Variants in BBS9 observed in about 807,000 individuals in gnomAD.
BBS9 encodes the protein Bardet-Biedl syndrome 9.
Under a neutral mutation model 117.7 loss-of-function variants are expected in BBS9, and 89 were observed. The observed-to-expected ratio is 0.76, with a 90% CI of 0.64 to 0.90. BBS9 has a LOEUF of 0.90. Ranked by LOEUF, BBS9 falls within the 40% of genes least tolerant of loss-of-function variation. BBS9 has a pLI of 0.00. For missense variants in BBS9, 982 were observed against 1,042.2 expected (o/e 0.94, Z 0.80); for synonymous variants, 379 against 370.9 (o/e 1.02, Z -0.25).
At chr7:33,410,654 A>T (rs1830949996) in intron 19 of BBS9, among the ~76,000 whole-genome samples, 1 of 152,082 alleles carries the variant, frequency 6.6e-6, no homozygotes, top group South Asian at 2.1e-4. Flanking sequence ...CAGGTACGTT[A>T]TTTCTCTTTA....
At chr7:33,330,800 G>A (rs1010718495) in intron 9 of BBS9, among the ~76,000 whole-genome samples, 2 of 152,106 alleles carry the variant, frequency 1.3e-5, no homozygotes, top group Non-Finnish European at 2.9e-5. Flanking sequence ...CATTATTCTA[G>A]TGACTTAGCT....
At chr7:33,286,710 A>T (rs1248367007) in intron 9 of BBS9, among the ~76,000 whole-genome samples, 1 of 152,150 alleles carries the variant, frequency 6.6e-6, no homozygotes, top group African/African-American at 2.4e-5. Flanking sequence ...CATAAAGTTT[A>T]TATGCGGCTA....
intron 9 of BBS9, among the ~76,000 whole-genome samples, chr7:33,317,477 C>T (rs866296139): frequency 6.7e-6 from 1 of 150,220 alleles, no homozygotes; most frequent in South Asian, 2.1e-4. Context: ...AATATTAAGT[C>T]TTTAAGGGTG....
At chr7:33,597,286 T>G (rs1306499935) in intron 21 of BBS9, among the ~76,000 whole-genome samples, 3 of 152,114 alleles carry the variant, frequency 2.0e-5, no homozygotes, top group Non-Finnish European at 4.4e-5. Flanking sequence ...TAAATCTTGA[T>G]CAAAAGAAAA....
intron 21 of BBS9, among the ~76,000 whole-genome samples, chr7:33,630,132 C>G (rs76130461): frequency 6.6e-6 from 1 of 152,064 alleles, no homozygotes; most frequent in East Asian, 1.9e-4. Flanking sequence ...CTTTTAATTA[C>G]GTCTAAAAAT....
chr7:33,582,580 A>G (rs1860157904), intron 21 of BBS9, among the ~76,000 whole-genome samples: 1 of 152,090 alleles, frequency 6.6e-6, no homozygotes, highest in Non-Finnish European at 1.5e-5. Flanking sequence ...TCACAAGGTC[A>G]AAGTTACATA....
At chr7:33,520,280 G>A (rs1217576227) in intron 20 of BBS9, among the ~76,000 whole-genome samples, 4 of 152,106 alleles carry the variant, frequency 2.6e-5, no homozygotes, top group Admixed American at 2.6e-4. Flanking sequence ...CCAAAGTGCT[G>A]GGATTACATG....
intron 19 of BBS9, among the ~76,000 whole-genome samples, chr7:33,481,251 G>A (rs985544175): frequency 6.6e-6 from 1 of 152,198 alleles, no homozygotes; most frequent in Non-Finnish European, 1.5e-5. Context: ...TAGGTGATGA[G>A]TGATCCAAGT....
At chr7:33,404,491 C>A (rs1257633102) in intron 19 of BBS9, among the ~76,000 whole-genome samples, 1 of 152,082 alleles carries the variant, frequency 6.6e-6, no homozygotes, top group African/African-American at 2.4e-5. Context: ...GAATGTTCTT[C>A]CATTTGTTTG....
At chr7:33,227,943 C>A (rs1392921579) in intron 5 of BBS9, among the ~76,000 whole-genome samples, 1 of 151,922 alleles carries the variant, frequency 6.6e-6, no homozygotes, top group Admixed American at 6.6e-5. Flanking sequence ...ACCATGTGTG[C>A]ACATGTGTCT....
chr7:33,267,108 A>G (rs1798962925), intron 7 of BBS9, among the ~76,000 whole-genome samples: 3 of 152,064 alleles, frequency 2.0e-5, no homozygotes, highest in African/African-American at 7.2e-5. Context: ...TAGGTACATA[A>G]ACATTTAAGA....
chr7:33,229,668 A>T (rs1791955911), intron 5 of BBS9, among the ~76,000 whole-genome samples: 1 of 152,118 alleles, frequency 6.6e-6, no homozygotes, highest in Non-Finnish European at 1.5e-5. Context: ...ACTGATGCAC[A>T]CTTATGTTGT....
chr7:33,383,514 A>G, intron 17 of BBS9, 152 bp from the exon 18 acceptor site: 1 of 731,514 alleles, frequency 1.4e-6, no homozygotes, highest in Non-Finnish European at 2.2e-6. Context: ...GCAATGAAAC[A>G]GTGAAAGTAT....
intron 12 of BBS9, among the ~76,000 whole-genome samples, chr7:33,346,909 T>C (rs983162414): frequency 4.6e-5 from 7 of 152,204 alleles, no homozygotes; most frequent in African/African-American, 9.6e-5. Context: ...AACTCTCTAC[T>C]TGGATTGATG....
At chr7:33,630,415 C>G (rs900159423) in intron 21 of BBS9, among the ~76,000 whole-genome samples, 2 of 151,854 alleles carry the variant, frequency 1.3e-5, no homozygotes, top group Non-Finnish European at 1.5e-5. Context: ...AAAAATTAAA[C>G]TCCTATAATT....
Position 33,138,939 on chromosome 7 carries a change from C to T in BBS9, c.-11-7303C>T, listed in dbSNP as rs182298186. On this transcript the variant is annotated intron_variant, in intron 1 of 22. Transcript: ENST00000242067. ...TTATTTTGTCAGTACAAGTAGATTT[C>T]TAATTTTCGGTTAGAAGTTAATGAG... Among the ~76,000 whole-genome samples the T allele has an allele frequency of 4.4e-4, 67 of 151,252 alleles. 1 individual carries two copies. The highest frequency in any genetic ancestry group is 1.2e-3 in the Admixed American group (18 of 15,180).
rs182991467 is a variant in BBS9 at position 33,169,954 on chromosome 7, T to G, written c.329-7524T>G. 3.9e-5 allele frequency among the ~76,000 whole-genome samples: 6 copies of G among 152,224 alleles called. 1 individual carries two copies. The highest frequency in any genetic ancestry group is 1.4e-4 in the African/African-American group (6 of 41,522). On this transcript the variant is annotated intron_variant, in intron 4 of 22. Coordinates refer to ENST00000242067, the MANE Select transcript of BBS9 (RefSeq NM_198428.3). The stretch of plus-strand genomic sequence containing the variant: ...GTTTTTATGGTTTTAGGTCTAACGT[T>G]TAAGTCTTTAATCCATCTTGAATTG...
chr7:33,550,410 T>C (rs73109626), intron 21 of BBS9, among the ~76,000 whole-genome samples: 14,715 of 152,236 alleles, frequency 0.097, 820 homozygotes, highest in African/African-American at 0.15. Flanking sequence ...TTATTTTTAT[T>C]TAAATTTTTC....
intron 5 of BBS9, among the ~76,000 whole-genome samples, chr7:33,249,099 A>G (rs1282226892): frequency 6.6e-6 from 1 of 152,098 alleles, no homozygotes; most frequent in Non-Finnish European, 1.5e-5. Flanking sequence ...TTCCACAGGA[A>G]GAGAAAGACA....
Sources: allele counts gnomAD v4.1 joint callset (sites outside exome capture counted in the v4.1 genomes callset), GRCh38; gene constraint gnomAD v4.1.1; transcripts MANE v1.5; gene names NCBI Gene and HGNC (gene_info 2026-07-23, HGNC 2026-07-21).